GALNT13: variants seen among roughly 807,000 people sequenced by gnomAD.
The protein encoded by GALNT13 is polypeptide N-acetylgalactosaminyltransferase 13.
A neutral mutation model predicts 64.2 loss-of-function variants in GALNT13; 28 were observed. That is an observed-to-expected ratio of 0.44 (90% CI 0.32 to 0.60). The LOEUF is 0.60. Ranked by LOEUF, GALNT13 falls within the 20% of genes least tolerant of loss-of-function variation. The probability of loss-of-function intolerance (pLI) is 0.05; values close to 1 mark genes in which losing one functional copy is unlikely to be tolerated. For synonymous variants in GALNT13, 214 were observed against 224.6 expected, an observed-to-expected ratio of 0.95 and a Z score of 0.42; for missense variants, 577 against 669.8, an observed-to-expected ratio of 0.86 and a Z score of 1.53.
intron 7 of GALNT13, among the ~76,000 whole-genome samples, chr2:154,254,399 C>G (rs995413214): frequency 6.6e-6 from 1 of 151,920 alleles, no homozygotes; most frequent in African/African-American, 2.4e-5. Context: ...TTTAGAGGAT[C>G]ATCAATTTAG....
At chr2:153,930,345 T>A (rs998050837) in intron 2 of GALNT13, among the ~76,000 whole-genome samples, 1 of 152,174 alleles carries the variant, frequency 6.6e-6, no homozygotes, top group Non-Finnish European at 1.5e-5. Context: ...TAAGTCCCAC[T>A]TGGGAATTTT....
the GALNT13 span, among the ~76,000 whole-genome samples, chr2:153,296,396 T>A: frequency 1.3e-5 from 2 of 152,206 alleles, no homozygotes; most frequent in African/African-American, 4.8e-5. Context: ...ATTAACAACT[T>A]CCTTATCCCT....
At chr2:153,602,395 A>G in the GALNT13 span, among the ~76,000 whole-genome samples, 1 of 151,758 alleles carries the variant, frequency 6.6e-6, no homozygotes, top group African/African-American at 2.4e-5. Flanking sequence ...AGAAAAATAA[A>G]GCCAGAAATC....
chr2:153,520,390 G>A, the GALNT13 span, among the ~76,000 whole-genome samples: 1 of 152,064 alleles, frequency 6.6e-6, no homozygotes, highest in South Asian at 2.1e-4. Context: ...ATTTTCTGGT[G>A]ACCAAAGAAC....
chr2:153,901,806 C>G (rs1413768541), intron 2 of GALNT13, among the ~76,000 whole-genome samples: 1 of 152,128 alleles, frequency 6.6e-6, no homozygotes, highest in Non-Finnish European at 1.5e-5. Context: ...TTAGAGAAAA[C>G]TTAAAAATAT....
intron 3 of GALNT13, among the ~76,000 whole-genome samples, chr2:153,955,818 C>G (rs1162873014): frequency 1.3e-5 from 2 of 152,188 alleles, no homozygotes; most frequent in Non-Finnish European, 2.9e-5. Flanking sequence ...AACCTCCACT[C>G]TCATCTGGCC....
the GALNT13 span, among the ~76,000 whole-genome samples, chr2:153,113,283 T>A: frequency 6.6e-6 from 1 of 152,142 alleles, no homozygotes; most frequent in South Asian, 2.1e-4. Flanking sequence ...GGAGGACAGC[T>A]TTTAACTCTC....
chr2:153,808,418 G>T, the GALNT13 span, among the ~76,000 whole-genome samples: 3 of 151,094 alleles, frequency 2.0e-5, no homozygotes, highest in Admixed American at 6.6e-5. Context: ...TTCAAATCTT[G>T]GGTTCTTTGA....
the GALNT13 span, among the ~76,000 whole-genome samples, chr2:153,630,498 TG>T: frequency 2.3e-5 from 1 of 43,100 alleles, no homozygotes; most frequent in African/African-American, 9.6e-5. Flanking sequence ...GGGACTGTTG[TG>T]GGGTGGGGGG....
chr2:153,544,102 C>T, the GALNT13 span, among the ~76,000 whole-genome samples: 2 of 151,970 alleles, frequency 1.3e-5, no homozygotes, highest in Admixed American at 6.6e-5. Context: ...GCCTGGTGAT[C>T]GATCATCAGC....
At chr2:154,326,137 T>C (rs1237303566) in intron 9 of GALNT13, among the ~76,000 whole-genome samples, 1 of 152,132 alleles carries the variant, frequency 6.6e-6, no homozygotes, top group East Asian at 1.9e-4. Flanking sequence ...GTGATTCTTG[T>C]GGACAGTTGA....
At chr2:153,086,713 A>ATTTAT in the GALNT13 span, among the ~76,000 whole-genome samples, 10,588 of 149,676 alleles carry the variant, frequency 0.071, 466 homozygotes, top group Non-Finnish European at 0.091. Flanking sequence ...ATTTTATTTT[A>ATTTAT]TTTATTTTAT....
At chr2:153,693,367 A>T in the GALNT13 span, among the ~76,000 whole-genome samples, 1 of 152,124 alleles carries the variant, frequency 6.6e-6, no homozygotes, top group African/African-American at 2.4e-5. Flanking sequence ...TGAGAAGTCT[A>T]TTGTCAATGG....
At chr2:154,057,584 T>C (rs551121541) in intron 3 of GALNT13, among the ~76,000 whole-genome samples, 1 of 152,294 alleles carries the variant, frequency 6.6e-6, no homozygotes, top group East Asian at 1.9e-4. Flanking sequence ...AAATCAACTG[T>C]ATTAAATGCA....
At chr2:154,219,579 C>G (rs1688218457) in intron 4 of GALNT13, among the ~76,000 whole-genome samples, 1 of 152,076 alleles carries the variant, frequency 6.6e-6, no homozygotes, top group Non-Finnish European at 1.5e-5. Flanking sequence ...TTTTTAATTT[C>G]AAAGGTGTCT....
the GALNT13 span, among the ~76,000 whole-genome samples, chr2:153,570,102 T>G: frequency 6.6e-6 from 1 of 152,108 alleles, no homozygotes; most frequent in East Asian, 1.9e-4. Flanking sequence ...TCCTCATCAG[T>G]ATTAGTTATT....
At chr2:153,704,988 G>A in the GALNT13 span, among the ~76,000 whole-genome samples, 1 of 152,160 alleles carries the variant, frequency 6.6e-6, no homozygotes, top group Non-Finnish European at 1.5e-5. Context: ...CATTTATACT[G>A]ATAGTTAATT....
chr2:154,188,247 G>A (rs561875000), intron 4 of GALNT13, among the ~76,000 whole-genome samples: 7 of 152,202 alleles, frequency 4.6e-5, no homozygotes, highest in African/African-American at 9.6e-5. Flanking sequence ...ATAAGAGGTC[G>A]GAGTAAGGGC....
At chr2:154,355,704 T>C (rs10490528) in intron 9 of GALNT13, among the ~76,000 whole-genome samples, 3,596 of 152,186 alleles carry the variant, frequency 0.024, 73 homozygotes, top group Non-Finnish European at 0.038. Flanking sequence ...CACAAGACAA[T>C]TTTTAGTTCG....
Sources: allele counts gnomAD v4.1 joint callset (sites outside exome capture counted in the v4.1 genomes callset), GRCh38; gene constraint gnomAD v4.1.1; transcripts MANE v1.5; gene names NCBI Gene and HGNC (gene_info 2026-07-23, HGNC 2026-07-21).